The following COL4A4 variants were observed in gnomAD, a reference collection of about 807,000 sequenced individuals.
COL4A4 encodes the protein collagen alpha-4(IV) chain.
In COL4A4, 105 loss-of-function variants were observed where a neutral mutation model predicts 192.9. That is an observed-to-expected ratio of 0.54 (90% CI 0.46 to 0.64). COL4A4 has a LOEUF of 0.64. Ranked by LOEUF, COL4A4 falls within the 30% of genes least tolerant of loss-of-function variation. The pLI, the probability that COL4A4 is intolerant of heterozygous loss-of-function variation, is 0.00. For synonymous variants in COL4A4, 762 were observed against 769.9 expected, an observed-to-expected ratio of 0.99 and a Z score of 0.17; for missense variants, 1,967 against 2,169.3, an observed-to-expected ratio of 0.91 and a Z score of 1.85.
At chr2:227,131,576 C>T (rs1040485696) in intron 4 of COL4A4, among the ~76,000 whole-genome samples, 1 of 152,218 alleles carries the variant, frequency 6.6e-6, no homozygotes, top group Non-Finnish European at 1.5e-5. Flanking sequence ...CACTTCAGGG[C>T]TCAAGCGGAG....
At position 227,006,274 on chromosome 2, in the gene COL4A4, CA is replaced by C. The variant is rs2149706013; in HGVS notation, c.*1050del. 1 of 152,660 alleles carries C rather than the reference CA, an allele frequency of 6.6e-6. No individual in the cohort carries two copies. Among genetic ancestry groups the C allele is most frequent in the African/African-American group, 2.4e-5 (1 of 41,544 alleles). 9.5% of individuals were successfully genotyped at this position (152,660 alleles called of 1,614,324 possible). A position where few individuals can be genotyped will look rare whatever the true frequency, so the allele number is the denominator to read the frequency against. On this transcript the variant is annotated 3_prime_UTR_variant, in exon 48 of 48. Transcript: ENST00000396625. ...TCTGTCACGTCCCTGTGTGAGCTGCCATTATGTGTGTGGAGCAAAGTGTCCG... is the reference window on the plus strand; with the variant it reads ...TCTGTCACGTCCCTGTGTGAGCTGCCTTATGTGTGTGGAGCAAAGTGTCCG...
Position 227,102,864 on chromosome 2 carries a change from A to G in COL4A4, c.871-16T>C, listed in dbSNP as rs1207747431. The G allele has an allele frequency of 8.8e-6, 14 of 1,598,720 alleles. No homozygotes were observed. The highest frequency in any genetic ancestry group is 1.2e-5 in the Non-Finnish European group (14 of 1,166,356). ...CAGATTCTCCCTTTAAGAGATGACA[A>G]CATTTAGAGGGGTTCAAGCAACAAT... On this transcript the variant is annotated splice_polypyrimidine_tract_variant and intron_variant, in intron 14 of 47. Transcript: ENST00000396625.
At chr2:227,002,229 A>G (rs1196685804), downstream of COL4A4, among the ~76,000 whole-genome samples, 2 of 151,414 alleles carry the variant, frequency 1.3e-5, no homozygotes, top group Non-Finnish European at 2.9e-5. Context: ...CACTCCACCT[A>G]CCCCCATGTT....
chr2:227,007,254 T>G lies in COL4A4; in HGVS notation c.*71A>C. 2 of 1,602,084 alleles carry G rather than the reference T, an allele frequency of 1.2e-6. No individual in the cohort carries two copies. Among genetic ancestry groups the G allele is most frequent in the Non-Finnish European group, 1.7e-6 (2 of 1,169,778 alleles). On this transcript the variant is annotated 3_prime_UTR_variant, in exon 48 of 48. Transcript: ENST00000396625. Reference sequence around the variant, plus strand: ...CCAAAATGAGCACCATGACATCTCTTAGCACAGTCTAGGAAGTCTTAGCCC... The same window carrying G: ...CCAAAATGAGCACCATGACATCTCTGAGCACAGTCTAGGAAGTCTTAGCCC...
intron 25 of COL4A4, among the ~76,000 whole-genome samples, chr2:227,065,179 C>G (rs747618703): frequency 2.6e-5 from 4 of 152,186 alleles, no homozygotes; most frequent in African/African-American, 9.6e-5. Context: ...GCTTTTCCGA[C>G]GGGCTTAAAA....
At chr2:227,115,173 C>A (rs188369611) in intron 7 of COL4A4, among the ~76,000 whole-genome samples, 1 of 151,600 alleles carries the variant, frequency 6.6e-6, no homozygotes, top group East Asian at 1.9e-4. Flanking sequence ...TGCTAGTTTG[C>A]TTAGGATATT....
intron 5 of COL4A4, chr2:227,120,674 A>G (rs573876752): frequency 3.4e-6 from 1 of 297,188 alleles, no homozygotes; most frequent in South Asian, 3.6e-5. Flanking sequence ...ACAGTGGCCA[A>G]CGCCTGTAAT....
chr2:227,082,209 C>A (rs773376931), intron 22 of COL4A4, 22 bp from the exon 23 acceptor site: 26 of 1,596,670 alleles, frequency 1.6e-5, no homozygotes, highest in Non-Finnish European at 1.8e-5. Flanking sequence ...ATAAGAGAAA[C>A]AAATTAGGTT....
At chr2:227,134,650 A>G (rs1464091727) in intron 4 of COL4A4, among the ~76,000 whole-genome samples, 1 of 152,266 alleles carries the variant, frequency 6.6e-6, no homozygotes, top group Non-Finnish European at 1.5e-5. Context: ...CATTTTTATC[A>G]TGGAATGCAA....
intron 20 of COL4A4, among the ~76,000 whole-genome samples, chr2:227,093,366 A>G (rs1361999077): frequency 6.6e-6 from 1 of 152,206 alleles, no homozygotes; most frequent in African/African-American, 2.4e-5. Context: ...TTAAATGATT[A>G]GCAGCATTAT....
intron 25 of COL4A4, 63 bp from the exon 26 acceptor site, chr2:227,062,661 C>A: frequency 8.9e-7 from 1 of 1,124,912 alleles, no homozygotes; most frequent in South Asian, 1.2e-5. Flanking sequence ...GTGAGTCTGT[C>A]TCAATGACAA....
At chr2:227,161,238 T>C (rs1576969813) in intron 1 of COL4A4, among the ~76,000 whole-genome samples, 1 of 152,212 alleles carries the variant, frequency 6.6e-6, no homozygotes, top group East Asian at 1.9e-4. Context: ...CCTGCCCTAA[T>C]GGGGCTTACA....
chr2:227,030,499 G>C lies in COL4A4; in HGVS notation c.3917C>G (p.Pro1306Arg), dbSNP rs1968047379. 6.2e-7 allele frequency: 1 copy of C among 1,613,974 alleles called. No homozygotes were observed. The stretch of plus-strand genomic sequence containing the variant: ...AAAGCCTTTGTATCCTGGAGGGCCT[G>C]GTGGGCCAGGGGGACCTGGTGGCCC... ...LPGPPGPPGPPGPPGYKGFPG... is the reference protein window; with the variant it reads ...LPGPPGPPGPRGPPGYKGFPG... Residue 1306 changes from proline to arginine, a missense_variant, in exon 41 of 48, where the codon CCA becomes CGA. Physicochemically the swap from Pro to Arg is moderately radical, Grantham distance 103. Coordinates refer to ENST00000396625, the MANE Select transcript of COL4A4 (RefSeq NM_000092.5).
chr2:227,051,297 G>A, intron 32 of COL4A4, 139 bp from the exon 33 acceptor site: 1 of 860,260 alleles, frequency 1.2e-6, no homozygotes. Context: ...GCCGCTTCCT[G>A]ATCATTTCTG....
chr2:227,047,695 C>A, intron 34 of COL4A4, 146 bp from the exon 35 acceptor site: 16 of 568,812 alleles, frequency 2.8e-5, no homozygotes, highest in Non-Finnish European at 3.9e-5. Context: ...TAAATAAGAA[C>A]AAATAGAAAT....
At chr2:227,075,924 T>TA (rs1358491126) in intron 25 of COL4A4, among the ~76,000 whole-genome samples, 1 of 151,862 alleles carries the variant, frequency 6.6e-6, no homozygotes, top group Non-Finnish European at 1.5e-5. Flanking sequence ...GAATACAACT[T>TA]ACAAGGAATA....
chr2:227,102,513 C>T (rs1468807712), intron 15 of COL4A4, among the ~76,000 whole-genome samples: 1 of 152,222 alleles, frequency 6.6e-6, no homozygotes, highest in Non-Finnish European at 1.5e-5. Context: ...TTCCAAGCTA[C>T]TTTCCTACTG....
intron 22 of COL4A4, among the ~76,000 whole-genome samples, chr2:227,082,699 T>C (rs982881617): frequency 6.6e-6 from 1 of 152,210 alleles, no homozygotes; most frequent in Non-Finnish European, 1.5e-5. Flanking sequence ...GATTTAGGGA[T>C]AAGTTTGTGA....
chr2:227,107,112 C>A (rs1157322480), intron 12 of COL4A4, among the ~76,000 whole-genome samples: 3 of 152,164 alleles, frequency 2.0e-5, no homozygotes, highest in African/African-American at 7.2e-5. Context: ...CATGGCTTCC[C>A]AAACTTGAAA....
Sources: allele counts gnomAD v4.1 joint callset (sites outside exome capture counted in the v4.1 genomes callset), GRCh38; gene constraint gnomAD v4.1.1; transcripts MANE v1.5; gene names NCBI Gene and HGNC (gene_info 2026-07-23, HGNC 2026-07-21).